The following EEFSEC variants were observed in gnomAD, a reference collection of about 807,000 sequenced individuals.
EEFSEC encodes the protein eukaryotic elongation factor, selenocysteine-tRNA specific.
EEFSEC carries 43 observed loss-of-function variants against 42.1 expected under a neutral mutation model. The ratio of observed to expected loss-of-function variants is 1.02; its 90% CI spans 0.80 to 1.32. The LOEUF (loss-of-function observed/expected upper bound fraction) is 1.32, where lower values mean the gene tolerates loss of function less well. Ranked by LOEUF, EEFSEC falls within the 40% of genes most tolerant of loss-of-function variation. The pLI is 0.00. For missense variants in EEFSEC, 745 were observed against 803.6 expected, an observed-to-expected ratio of 0.93 and a Z score of 0.88; for synonymous variants, 354 against 339.1, an observed-to-expected ratio of 1.04 and a Z score of -0.48.
chr3:128,169,920 C>T (rs1409470717), intron 1 of EEFSEC, among the ~76,000 whole-genome samples: 1 of 152,184 alleles, frequency 6.6e-6, no homozygotes, highest in Non-Finnish European at 1.5e-5. Context: ...CCCTTTCCTG[C>T]GGGGCTGCCT....
intron 4 of EEFSEC, among the ~76,000 whole-genome samples, chr3:128,340,282 AG>A (rs2067235981): frequency 6.6e-6 from 1 of 151,966 alleles, no homozygotes; most frequent in African/African-American, 2.4e-5. Context: ...TACCCCACCC[AG>A]GCCTTCTCTA....
At chr3:128,294,441 A>G (rs1004158069) in intron 4 of EEFSEC, among the ~76,000 whole-genome samples, 1 of 152,224 alleles carries the variant, frequency 6.6e-6, no homozygotes, top group African/African-American at 2.4e-5. Context: ...TCAGCTATTG[A>G]GCCTCTAGAA....
chr3:128,262,046 C>A, intron 2 of EEFSEC, 82 bp from the exon 3 acceptor site: 1 of 1,318,052 alleles, frequency 7.6e-7, no homozygotes, highest in Non-Finnish European at 1.1e-6. Flanking sequence ...GCACTTGGTA[C>A]TGTGCCAGGT....
At position 128,284,460 on chromosome 3, in the gene EEFSEC, G is replaced by C. The variant is rs551947213; in HGVS notation, c.786+19679G>C. 1.1e-3 allele frequency among the ~76,000 whole-genome samples: 163 copies of C among 152,120 alleles called. 1 individual carries two copies. Among genetic ancestry groups the C allele is most frequent in the East Asian group, 7.8e-4 (4 of 5,130 alleles). ...CTGCCCAGTGCTGGGGGTTGGGGGT[G>C]GGGGATGGGGCTTCTGGCACTGTGC... On this transcript the variant is annotated intron_variant, in intron 4 of 6. Coordinates refer to ENST00000254730, the MANE Select transcript of EEFSEC (RefSeq NM_021937.5).
intron 4 of EEFSEC, among the ~76,000 whole-genome samples, chr3:128,324,061 G>A (rs952411684): frequency 7.2e-5 from 11 of 152,172 alleles, no homozygotes; most frequent in African/African-American, 2.2e-4. Flanking sequence ...GACCTCTCAC[G>A]GCCTGGGTCC....
intron 1 of EEFSEC, among the ~76,000 whole-genome samples, chr3:128,203,357 A>G (rs984384394): frequency 6.6e-6 from 1 of 152,204 alleles, no homozygotes; most frequent in Non-Finnish European, 1.5e-5. Flanking sequence ...ATGATAGGCT[A>G]TTTCCTTAAA....
intron 2 of EEFSEC, among the ~76,000 whole-genome samples, chr3:128,259,022 T>G (rs1221106782): frequency 1.3e-5 from 2 of 152,194 alleles, no homozygotes; most frequent in Admixed American, 6.5e-5. Flanking sequence ...CTACCAAAGC[T>G]AGCCAAACTT....
intron 2 of EEFSEC, among the ~76,000 whole-genome samples, chr3:128,249,934 C>A (rs1459703246): frequency 6.6e-6 from 1 of 152,104 alleles, no homozygotes; most frequent in Non-Finnish European, 1.5e-5. Context: ...CAATTCCTCT[C>A]AGTACATCCT....
chr3:128,294,310 G>A (rs1319055299), intron 4 of EEFSEC, among the ~76,000 whole-genome samples: 2 of 152,232 alleles, frequency 1.3e-5, no homozygotes, highest in African/African-American at 4.8e-5. Flanking sequence ...GACCCTGTTA[G>A]GGGCTGACAG....
the EEFSEC span, among the ~76,000 whole-genome samples, chr3:128,419,170 TG>T: frequency 6.6e-6 from 1 of 152,188 alleles, no homozygotes; most frequent in Non-Finnish European, 1.5e-5. Context: ...TAAAAATGCA[TG>T]GGCCCCATGA....
At chr3:128,403,273 GCAGAGA>G (rs2068069478) in intron 6 of EEFSEC, among the ~76,000 whole-genome samples, 1 of 152,172 alleles carries the variant, frequency 6.6e-6, no homozygotes, top group South Asian at 2.1e-4. Context: ...CAGCCCTGAG[GCAGAGA>G]CAGGCCAGGT....
downstream of EEFSEC, among the ~76,000 whole-genome samples, chr3:128,412,681 C>T (rs1005458215): frequency 6.6e-6 from 1 of 152,246 alleles, no homozygotes; most frequent in Non-Finnish European, 1.5e-5. Context: ...AGCCTCCACA[C>T]AGGCAGCCCA....
At chr3:128,339,640 T>C in intron 4 of EEFSEC, among the ~76,000 whole-genome samples, 1 of 152,242 alleles carries the variant, frequency 6.6e-6, no homozygotes, top group East Asian at 1.9e-4. Flanking sequence ...AAGATCAGGT[T>C]ACTCCTTTGC....
intron 4 of EEFSEC, among the ~76,000 whole-genome samples, chr3:128,277,810 G>A (rs945488088): frequency 6.6e-6 from 1 of 152,250 alleles, no homozygotes; most frequent in Non-Finnish European, 1.5e-5. Flanking sequence ...AGGGCAGATA[G>A]CAAGGGAACC....
At chr3:128,369,735 A>G (rs1339219789) in intron 6 of EEFSEC, among the ~76,000 whole-genome samples, 1 of 152,190 alleles carries the variant, frequency 6.6e-6, no homozygotes, top group East Asian at 1.9e-4. Flanking sequence ...CTAGCTTTTT[A>G]AATAATTTCA....
intron 4 of EEFSEC, among the ~76,000 whole-genome samples, chr3:128,280,096 T>C (rs773542427): frequency 2.0e-5 from 3 of 152,236 alleles, no homozygotes; most frequent in Non-Finnish European, 4.4e-5. Flanking sequence ...AATAAAATGC[T>C]AATTGCAAAA....
At chr3:128,249,190 C>T (rs1347438814) in intron 2 of EEFSEC, among the ~76,000 whole-genome samples, 1 of 152,160 alleles carries the variant, frequency 6.6e-6, no homozygotes, top group African/African-American at 2.4e-5. Flanking sequence ...GAACCATGTA[C>T]CTATCAAAAC....
chr3:128,236,432 C>T (rs896822902), intron 1 of EEFSEC, among the ~76,000 whole-genome samples: 1 of 152,152 alleles, frequency 6.6e-6, no homozygotes, highest in Non-Finnish European at 1.5e-5. Flanking sequence ...GCGGGGGTGG[C>T]GGTGACACAG....
chr3:128,318,402 T>C (rs2066971268), intron 4 of EEFSEC, among the ~76,000 whole-genome samples: 1 of 152,172 alleles, frequency 6.6e-6, no homozygotes, highest in African/African-American at 2.4e-5. Context: ...TGGGGACAGA[T>C]GTCCTGGTCT....
Sources: gnomAD v4.1 joint callset for allele counts (sites outside exome capture counted in the v4.1 genomes callset) on GRCh38, gnomAD v4.1.1 for gene constraint, MANE v1.5 for transcripts, NCBI Gene and HGNC (gene_info 2026-07-23, HGNC 2026-07-21) for gene names.